DNAH9: variants seen among roughly 807,000 people sequenced by gnomAD.
DNAH9 encodes DNAH9 variant protein.
Under a neutral mutation model 471.6 loss-of-function variants are expected in DNAH9, and 345 were observed. That is an observed-to-expected ratio of 0.73 (90% CI 0.67 to 0.80). DNAH9 has a LOEUF of 0.80. Ranked by LOEUF, DNAH9 falls within the 30% of genes least tolerant of loss-of-function variation. The probability of loss-of-function intolerance (pLI) is 0.00; values close to 1 mark genes in which losing one functional copy is unlikely to be tolerated. For missense variants in DNAH9, 5,407 were observed against 5,609.2 expected, an observed-to-expected ratio of 0.96 and a Z score of 1.15; for synonymous variants, 2,093 against 2,123.6, an observed-to-expected ratio of 0.99 and a Z score of 0.40.
At chr17:11,608,754 ACT>A (rs1424454862) in intron 2 of DNAH9, among the ~76,000 whole-genome samples, 2 of 150,628 alleles carry the variant, frequency 1.3e-5, no homozygotes, top group African/African-American at 4.9e-5. Flanking sequence ...ACAGTTCCAG[ACT>A]CTCCTCCCCC....
At chr17:11,780,316 C>T (rs1968620359) in intron 38 of DNAH9, among the ~76,000 whole-genome samples, 1 of 152,234 alleles carries the variant, frequency 6.6e-6, no homozygotes, top group South Asian at 2.1e-4. Flanking sequence ...GTTTTTTCTA[C>T]ATCCCACCAA....
chr17:11,687,762 G>A (rs1433563989), intron 19 of DNAH9, among the ~76,000 whole-genome samples: 2 of 152,094 alleles, frequency 1.3e-5, no homozygotes, highest in Non-Finnish European at 2.9e-5. Context: ...GAGGATGAGA[G>A]TGAGTATAAT....
intron 61 of DNAH9, among the ~76,000 whole-genome samples, chr17:11,913,617 C>T (rs1205750587): frequency 6.6e-6 from 1 of 151,900 alleles, no homozygotes; most frequent in African/African-American, 2.4e-5. Context: ...CCCATCTCTA[C>T]TAAAAATACA....
At chr17:11,956,036 C>G (rs1054972411) in intron 67 of DNAH9, among the ~76,000 whole-genome samples, 1 of 152,194 alleles carries the variant, frequency 6.6e-6, no homozygotes, top group African/African-American at 2.4e-5. Context: ...GCAGGCATTT[C>G]TAAGGATAGC....
At chr17:11,771,591 C>T (rs754723171) in intron 38 of DNAH9, among the ~76,000 whole-genome samples, 1 of 152,202 alleles carries the variant, frequency 6.6e-6, no homozygotes. Flanking sequence ...CACATCAGCA[C>T]CTGGCAGTGG....
intron 2 of DNAH9, among the ~76,000 whole-genome samples, chr17:11,609,170 T>C (rs2072573277): frequency 6.6e-6 from 1 of 152,240 alleles, no homozygotes; most frequent in Admixed American, 6.5e-5. Context: ...ATCCATGATT[T>C]GATCCGAAGA....
chr17:11,876,322 C>T lies in DNAH9; in HGVS notation c.10478+1138C>T, dbSNP rs77328874. Among the ~76,000 whole-genome samples, 909 of 151,998 alleles carry T rather than the reference C, an allele frequency of 6.0e-3. 11 individuals carry two copies. Among genetic ancestry groups the T allele is most frequent in the African/African-American group, 0.021 (867 of 41,460 alleles). On this transcript the variant is annotated intron_variant, in intron 53 of 68. Transcript: ENST00000262442. ...GAGAAATGCTTAAGGACATGGATACCCCATTTTCCATAACGTGATTATTAT... is the reference window on the plus strand; with the variant it reads ...GAGAAATGCTTAAGGACATGGATACTCCATTTTCCATAACGTGATTATTAT...
Position 11,875,140 on chromosome 17 carries a change from T to A in DNAH9, c.10434T>A (p.Asn3478Lys), listed in dbSNP as rs777210302. 6.2e-7 allele frequency: 1 copy of A among 1,614,096 alleles called. No homozygotes were observed. Among genetic ancestry groups the A allele is most frequent in the South Asian group, 1.1e-5 (1 of 91,068 alleles). ...TACAAGGCATCAAATGGATCAAGAA[T>A]AAATATGGTGAAGATCTCCGGGTCA... ...PQLQGIKWIK[N>K]KYGEDLRVTQ... The change falls in exon 53 of 69, where the codon AAT becomes AAA. Residue 3478 changes from asparagine (N) to lysine (K), a missense_variant. By Grantham distance (94) the Asn-to-Lys change is moderately conservative. Transcript: ENST00000262442.
intron 1 of DNAH9, among the ~76,000 whole-genome samples, chr17:11,600,235 G>A (rs1025151383): frequency 6.6e-6 from 1 of 152,326 alleles, no homozygotes; most frequent in South Asian, 2.1e-4. Flanking sequence ...GAATGTTGAC[G>A]ATAGAAAGTA....
rs767475250 is a variant in DNAH9 at position 11,821,990 on chromosome 17, G to C, written c.8778G>C (p.Lys2926Asn). 1.4e-5 allele frequency: 22 copies of C among 1,614,068 alleles called. No individual in the cohort carries two copies. Among genetic ancestry groups the C allele is most frequent in the Non-Finnish European group, 1.7e-5 (20 of 1,180,030 alleles). The change falls in exon 46 of 69, where the codon AAG (lysine) becomes AAC (asparagine). Residue 2926 changes from lysine to asparagine, a missense_variant. Physicochemically the swap from Lys to Asn is moderately conservative, Grantham distance 94. Transcript: ENST00000262442. ...NIISNVRNEV[K>N]SQGLVDNREN... ...TAAGCAATGTGAGGAATGAAGTCAA[G>C]AGCCAGGGTCTGGTTGACAACAGAG...
intron 62 of DNAH9, among the ~76,000 whole-genome samples, chr17:11,926,886 G>T (rs886298933): frequency 5.9e-5 from 9 of 152,170 alleles, no homozygotes; most frequent in African/African-American, 1.9e-4. Flanking sequence ...AGCATAAAAG[G>T]GTTCCTTTTT....
chr17:11,715,000 G>A (rs1467512113), intron 26 of DNAH9, among the ~76,000 whole-genome samples: 2 of 152,206 alleles, frequency 1.3e-5, no homozygotes, highest in Non-Finnish European at 2.9e-5. Flanking sequence ...GCCCACAGAA[G>A]TGTGAGATAA....
rs1973069647 is a variant in DNAH9 at position 11,892,047 on chromosome 17, CA to C, written c.11283+101del. Reference sequence around the variant, plus strand: ...CTTCTTTGAACATCACTTTCCACAGCATGTCCAGACTATCTGTCTTTGGATA... The same window carrying C: ...CTTCTTTGAACATCACTTTCCACAGCTGTCCAGACTATCTGTCTTTGGATA... On this transcript the variant is annotated intron_variant, in intron 58 of 68. Coordinates refer to ENST00000262442, the MANE Select transcript of DNAH9 (RefSeq NM_001372.4). This position sits in a 1 kb window ranked among gnomAD's most constrained non-coding sequence, Gnocchi z 4.3. The C allele has an allele frequency of 1.5e-6, 2 of 1,344,924 alleles. No homozygotes were observed. Among genetic ancestry groups the C allele is most frequent in the African/African-American group, 2.9e-5 (2 of 69,192 alleles). 83.3% of individuals were successfully genotyped at this position (1,344,924 alleles called of 1,614,324 possible). A position where few individuals can be genotyped will look rare whatever the true frequency, so the allele number is the denominator to read the frequency against.
Position 11,933,852 on chromosome 17 carries a change from T to C in DNAH9, c.12298-28T>C, listed in dbSNP as rs749020940. ...CGCCTGTGTGGAGGTCTTTCTTCCT[T>C]CCTCTCTTTCTTTCCCCCATCACTC... On this transcript the variant is annotated intron_variant, in intron 64 of 68. Transcript: ENST00000262442. 2.5e-6 allele frequency: 4 copies of C among 1,593,452 alleles called. No homozygotes were observed. In the African/African-American group the frequency reaches 5.4e-5, roughly 21 times the overall value.
intron 2 of DNAH9, among the ~76,000 whole-genome samples, chr17:11,609,525 A>G (rs1016979225): frequency 2.0e-5 from 3 of 152,164 alleles, no homozygotes; most frequent in East Asian, 3.9e-4. Context: ...AATATCTTCC[A>G]CAATCACTTG....
intron 66 of DNAH9, among the ~76,000 whole-genome samples, chr17:11,941,751 A>AT (rs1286336115): frequency 6.6e-6 from 1 of 151,902 alleles, no homozygotes; most frequent in Non-Finnish European, 1.5e-5. Flanking sequence ...GATAGATTAG[A>AT]TAGATGGATA....
chr17:11,643,146 A>G (rs1597423648), intron 10 of DNAH9, among the ~76,000 whole-genome samples: 2 of 152,260 alleles, frequency 1.3e-5, no homozygotes, highest in Non-Finnish European at 2.9e-5. Flanking sequence ...CTGGACTTTC[A>G]TTAGTGTTGT....
chr17:11,641,163 C>T (rs1396086033), intron 10 of DNAH9, among the ~76,000 whole-genome samples: 2 of 152,028 alleles, frequency 1.3e-5, no homozygotes, highest in African/African-American at 2.4e-5. Flanking sequence ...TAGAGACCCT[C>T]TGGTCTGGCC....
chr17:11,904,877 TG>T (rs770911177), intron 60 of DNAH9, among the ~76,000 whole-genome samples: 9 of 152,134 alleles, frequency 5.9e-5, no homozygotes, highest in East Asian at 1.9e-4. Flanking sequence ...GCATAAAATG[TG>T]ACACTTTGGA....
Sources: allele counts gnomAD v4.1 joint callset (sites outside exome capture counted in the v4.1 genomes callset), GRCh38; gene constraint gnomAD v4.1.1; non-coding constraint Gnocchi (gnomAD v3.1); transcripts MANE v1.5; gene names NCBI Gene and HGNC (gene_info 2026-07-23, HGNC 2026-07-21).